OPHN1: variants seen among roughly 807,000 people sequenced by gnomAD.
The protein encoded by OPHN1 is oligophrenin-1.
Under a neutral mutation model 60.7 loss-of-function variants are expected in OPHN1, and 11 were observed. The ratio of observed to expected loss-of-function variants is 0.18; its 90% CI spans 0.11 to 0.30. The LOEUF is 0.30. Among genes scored for constraint, OPHN1 ranks in the 10% least tolerant of loss-of-function variants. The pLI is 1.00. For synonymous variants in OPHN1, 226 were observed against 222.6 expected (o/e 1.02, Z -0.14); for missense variants, 449 against 611.0 (o/e 0.73, Z 2.80).
chrX:68,146,406 A>G (rs1171192054), intron 15 of OPHN1, among the ~76,000 whole-genome samples: 2 of 112,307 alleles, frequency 1.8e-5, no homozygotes, highest in Non-Finnish European at 3.8e-5. Flanking sequence ...AGATAACTGG[A>G]TTACAACAAG....
chrX:68,200,687 C>A (rs896972436), intron 11 of OPHN1, among the ~76,000 whole-genome samples: 1 of 111,460 alleles, frequency 9.0e-6, no homozygotes, highest in African/African-American at 3.3e-5. Context: ...CAAGCTAAGT[C>A]CTTTATTCCC....
intron 20 of OPHN1, among the ~76,000 whole-genome samples, chrX:68,067,312 A>C (rs1296154937): frequency 9.0e-6 from 1 of 111,218 alleles, no homozygotes; most frequent in Non-Finnish European, 1.9e-5. Context: ...AAGAAAATAT[A>C]ATTAAAAGTT....
intron 6 of OPHN1, among the ~76,000 whole-genome samples, chrX:68,222,033 A>G (rs1324656450): frequency 9.2e-6 from 1 of 108,328 alleles, no homozygotes; most frequent in East Asian, 2.9e-4. Flanking sequence ...TACTCATCTG[A>G]CAAAGGGCTA....
chrX:68,259,988 A>C (rs1004659635), intron 5 of OPHN1, among the ~76,000 whole-genome samples: 2 of 111,756 alleles, frequency 1.8e-5, no homozygotes, highest in Non-Finnish European at 1.9e-5. Flanking sequence ...AGGTTTTCTA[A>C]TGTTCTTTTC....
At chrX:68,234,700 C>T (rs1003869712) in intron 5 of OPHN1, 112 bp from the exon 6 acceptor site, 39 of 592,864 alleles carry the variant, frequency 6.6e-5, no homozygotes, top group Non-Finnish European at 1.1e-4. Flanking sequence ...ATCCCTCTAG[C>T]TCCTGGAAGG....
intron 2 of OPHN1, among the ~76,000 whole-genome samples, chrX:68,379,023 C>A (rs1320718459): frequency 9.0e-6 from 1 of 110,632 alleles, no homozygotes; most frequent in Non-Finnish European, 1.9e-5. Flanking sequence ...TTACCTTGGG[C>A]AGTATGGCCA....
At chrX:68,267,538 G>A (rs762144733) in intron 5 of OPHN1, among the ~76,000 whole-genome samples, 3 of 112,166 alleles carry the variant, frequency 2.7e-5, no homozygotes, top group African/African-American at 9.7e-5. Context: ...AGTGTGTAGA[G>A]GGAAACTGAT....
intron 5 of OPHN1, among the ~76,000 whole-genome samples, chrX:68,240,740 G>T (rs2077776737): frequency 9.0e-6 from 1 of 110,933 alleles, no homozygotes; most frequent in African/African-American, 3.3e-5. Flanking sequence ...TTTCACTTCT[G>T]CCCTTAAGTC....
At chrX:68,132,739 CA>C (rs60182364) in intron 15 of OPHN1, 580 of 90,397 alleles carry the variant, frequency 6.4e-3, no homozygotes, top group East Asian at 0.016. Context: ...TACTAAGTGT[CA>C]AAAAAAAAAA....
chrX:68,189,424 T>C (rs905406255), intron 15 of OPHN1, among the ~76,000 whole-genome samples: 3 of 111,341 alleles, frequency 2.7e-5, no homozygotes, highest in African/African-American at 9.8e-5. Context: ...GTTACATATG[T>C]ATACATGTGC....
intron 18 of OPHN1, among the ~76,000 whole-genome samples, chrX:68,103,346 C>A (rs1448932824): frequency 8.9e-6 from 1 of 111,834 alleles, no homozygotes; most frequent in African/African-American, 3.3e-5. Context: ...GCTAAAAACT[C>A]TCAATAAACT....
At chrX:68,363,262 TA>T (rs1024057170) in intron 2 of OPHN1, among the ~76,000 whole-genome samples, 4 of 110,337 alleles carry the variant, frequency 3.6e-5, no homozygotes, top group Admixed American at 9.7e-5. Flanking sequence ...CAAATTTTTT[TA>T]AAAAAAATTT....
intron 2 of OPHN1, among the ~76,000 whole-genome samples, chrX:68,377,246 G>A (rs1291749739): frequency 9.3e-6 from 1 of 107,629 alleles, no homozygotes; most frequent in African/African-American, 3.4e-5. Flanking sequence ...ACAGGCGCCC[G>A]CTACCACGCC....
At chrX:68,321,432 C>A (rs1602323662) in intron 2 of OPHN1, among the ~76,000 whole-genome samples, 1 of 112,026 alleles carries the variant, frequency 8.9e-6, no homozygotes, top group Non-Finnish European at 1.9e-5. Context: ...AAGATACTGG[C>A]ACATTACTAG....
At chrX:68,254,689 C>A (rs1569259047) in intron 5 of OPHN1, among the ~76,000 whole-genome samples, 1 of 111,019 alleles carries the variant, frequency 9.0e-6, no homozygotes, top group Non-Finnish European at 1.9e-5. Flanking sequence ...AGACATTTTT[C>A]TCTTGGATAA....
chrX:68,136,158 A>G (rs2077218236), intron 15 of OPHN1, among the ~76,000 whole-genome samples: 1 of 111,037 alleles, frequency 9.0e-6, no homozygotes, highest in South Asian at 3.8e-4. Flanking sequence ...AAATATTATT[A>G]AATATAAAGT....
chrX:68,134,543 C>T (rs2077211228), intron 15 of OPHN1, among the ~76,000 whole-genome samples: 1 of 111,062 alleles, frequency 9.0e-6, no homozygotes, highest in Admixed American at 9.5e-5. Context: ...CACATGGAGT[C>T]GGCGCTCACC....
At chrX:68,194,087 G>T in intron 13 of OPHN1, 135 bp from the exon 14 acceptor site, 1 of 538,146 alleles carries the variant, frequency 1.9e-6, no homozygotes. Context: ...ACCCTTAAAT[G>T]GAAAGAGTCA....
In OPHN1 at chrX:68,053,752, G is replaced by A. The variant is rs781261311; in HGVS notation, c.2217C>T (p.Arg739=). The A allele has an allele frequency of 1.7e-6, 2 of 1,210,958 alleles. No homozygotes were observed. Among genetic ancestry groups the A allele is most frequent in the Admixed American group, 2.2e-5 (1 of 45,945 alleles). The change falls in exon 22 of 25, where the codon CGC becomes CGT. Residue 739 remains arginine (R), a synonymous_variant. Coordinates refer to ENST00000355520, the MANE Select transcript of OPHN1 (RefSeq NM_002547.3). ...GAGGATCTGGGGGCCTCACTGGGGGGCGGATGATGGTTGGCTTTTCTCCTG... is the reference window on the plus strand; with the variant it reads ...GAGGATCTGGGGGCCTCACTGGGGGACGGATGATGGTTGGCTTTTCTCCTG... The part of the protein sequence containing the change: ...RPPGEKPTII[R]PPVRPPDPPC...
Sources: gnomAD v4.1 joint callset for allele counts (sites outside exome capture counted in the v4.1 genomes callset) on GRCh38, gnomAD v4.1.1 for gene constraint, MANE v1.5 for transcripts, NCBI Gene and HGNC (gene_info 2026-07-23, HGNC 2026-07-21) for gene names.